The following ABCA2 variants were observed in gnomAD, a reference collection of about 807,000 sequenced individuals.
ABCA2 encodes ATP binding cassette subfamily A member 2, also known as ATP-binding cassette sub-family A member 2.
In ABCA2, 84 loss-of-function variants were observed where a neutral mutation model predicts 262.8. The ratio of observed to expected loss-of-function variants is 0.32; its 90% CI spans 0.27 to 0.38. The LOEUF (loss-of-function observed/expected upper bound fraction) is 0.38, where lower values mean the gene tolerates loss of function less well. Ranked by LOEUF, ABCA2 falls within the 10% of genes least tolerant of loss-of-function variation. The pLI is 1.00. For missense variants in ABCA2, 2,662 were observed against 3,405.9 expected (o/e 0.78, Z 5.44); for synonymous variants, 1,696 against 1,502.9 (o/e 1.13, Z -2.97).
At position 137,010,611 on chromosome 9, in the gene ABCA2, A is replaced by T; in HGVS notation, c.6174+9T>A. On this transcript the variant is annotated intron_variant, in intron 40 of 48. Coordinates refer to ENST00000341511, the MANE Select transcript of ABCA2 (RefSeq NM_001606.5). ...CACCCAGGCCCCACCCTACATGCCCAGAGCCCACCTTGGTCAGGTTCTCAA... is the reference window on the plus strand; with the variant it reads ...CACCCAGGCCCCACCCTACATGCCCTGAGCCCACCTTGGTCAGGTTCTCAA... The T allele has an allele frequency of 2.0e-6, 1 of 495,958 alleles. No individual in the cohort carries two copies. The highest frequency in any genetic ancestry group is 3.7e-6 in the Non-Finnish European group (1 of 266,934). The allele number at this position is 495,958 out of a possible 1,614,324, so 30.7% of individuals were successfully genotyped here.
chr9:137,018,544 C>T (rs978393092), intron 13 of ABCA2, among the ~76,000 whole-genome samples, 175 bp downstream of exon 13: 1 of 73,690 alleles, frequency 1.4e-5, no homozygotes, highest in Non-Finnish European at 2.6e-5. Flanking sequence ...AGGGAGGGGG[C>T]GGGTTGTGGG....
In ABCA2 at chr9:137,019,424, CTTTT is replaced by C. The variant is rs35180161; in HGVS notation, c.1426-122_1426-119del. 6.0e-4 allele frequency: 545 copies of C among 904,300 alleles called. No homozygotes were observed. Among genetic ancestry groups the C allele is most frequent in the East Asian group, 7.4e-4 (24 of 32,594 alleles). The allele number at this position is 904,300 out of a possible 1,614,324, so 56.0% of individuals were successfully genotyped here. On this transcript the variant is annotated intron_variant, in intron 10 of 48. Coordinates refer to ENST00000341511, the MANE Select transcript of ABCA2 (RefSeq NM_001606.5). The surrounding 1 kb of genome is among the most constrained non-coding windows in gnomAD (Gnocchi z 4.4). ...ATTGCCAACAACTAACCCTCCCCAC[CTTTT>C]TTTTTTTTTTTTTCCTGAGACAGGG...
At chr9:137,025,111 C>A (rs1238949595) in intron 1 of ABCA2, among the ~76,000 whole-genome samples, 1 of 152,222 alleles carries the variant, frequency 6.6e-6, no homozygotes, top group South Asian at 2.1e-4. Context: ...TCTCCTGACC[C>A]GGGGCAGCCA....
chr9:137,008,076 G>A, intron 48 of ABCA2, 112 bp from the exon 49 acceptor site: 1 of 1,356,542 alleles, frequency 7.4e-7, no homozygotes, highest in Non-Finnish European at 1.0e-6. Flanking sequence ...CCTGGACGCA[G>A]GGTCTCCCCA....
rs1375372236 is a variant in ABCA2 at position 137,013,613 on chromosome 9, G to A, written c.4448-50C>T. 1.4e-5 allele frequency: 22 copies of A among 1,543,450 alleles called. 1 individual carries two copies. Among genetic ancestry groups the A allele is most frequent in the Middle Eastern group, 1.7e-4 (1 of 5,768 alleles). On this transcript the variant is annotated intron_variant, in intron 28 of 48. Coordinates refer to ENST00000341511, the MANE Select transcript of ABCA2 (RefSeq NM_001606.5). ...GAGCAGGTTCTGCCCTCTGGCCAGCGGCCCCCAAGCCTCGGTCCCCTTCCC... is the reference window on the plus strand; with the variant it reads ...GAGCAGGTTCTGCCCTCTGGCCAGCAGCCCCCAAGCCTCGGTCCCCTTCCC...
Position 137,018,184 on chromosome 9 carries a change from T to C in ABCA2, c.1987A>G (p.Ile663Val). Reference protein sequence around the residue: ...RFYFLYGFVWIQDMMERAIID... With the variant: ...RFYFLYGFVWVQDMMERAIID... ...TTCCGGGCCTGCTCCTCACCCTGGA[T>C]CCAGACGAAGCCGTAGAGGAAGTAG... Residue 663 changes from isoleucine to valine, a missense_variant, in exon 14 of 49, where the codon ATC (isoleucine) becomes GTC (valine). Ile to Val is a conservative substitution (Grantham distance 29). This residue lies in a region of ABCA2 where 188 missense variants were observed against 343.4 expected (regional missense o/e 0.55). Coordinates refer to ENST00000341511, the MANE Select transcript of ABCA2 (RefSeq NM_001606.5). The C allele has an allele frequency of 6.2e-7, 1 of 1,611,172 alleles. No individual in the cohort carries two copies. The highest frequency in any genetic ancestry group is 8.5e-7 in the Non-Finnish European group (1 of 1,179,626).
At chr9:137,018,416 A>G (rs1357823126) in intron 13 of ABCA2, 65 bp from the exon 14 acceptor site, 10 of 515,220 alleles carry the variant, frequency 1.9e-5, no homozygotes, top group African/African-American at 3.8e-5. Flanking sequence ...GTGGGGGGGA[A>G]AGCAAGGCAC....
At position 137,016,078 on chromosome 9, in the gene ABCA2, C is replaced by T. The variant is rs1275661743; in HGVS notation, c.3201G>A (p.Leu1067=). Residue 1067 remains leucine, a synonymous_variant, in exon 22 of 49, where the codon CTG becomes CTA. Transcript: ENST00000341511. ...RTEMDEIRKN[L]GMCPQHNVLF... is the part of the protein sequence containing the mutation. ...GCACATTGTGCTGCGGGCACATGCC[C>T]AGGTTCTTGCGGATCTCATCCATCT... 1.2e-6 allele frequency: 2 copies of T among 1,612,738 alleles called. No homozygotes were observed. Among genetic ancestry groups the T allele is most frequent in the Admixed American group, 1.7e-5 (1 of 60,010 alleles).
chr9:137,016,393 T>G lies in ABCA2; in HGVS notation c.3002A>C (p.Lys1001Thr), dbSNP rs949480298. ...VCVDKLTKVY[K>T]DDKKLALNKL... ...GTTCAGGGCCAGCTTCTTGTCGTCC[T>G]TGTAGACCTTGGTGAGTTTGTCCAC... The change falls in exon 21 of 49, where the codon AAG becomes ACG. Residue 1001 changes from lysine to threonine, a missense_variant. By Grantham distance (78) the Lys-to-Thr change is moderately conservative. Coordinates refer to ENST00000341511, the MANE Select transcript of ABCA2 (RefSeq NM_001606.5). The G allele has an allele frequency of 5.0e-6, 8 of 1,612,780 alleles. No individual in the cohort carries two copies. The highest frequency in any genetic ancestry group is 6.8e-6 in the Non-Finnish European group (8 of 1,179,992).
chr9:137,019,334 GT>G lies in ABCA2; in HGVS notation c.1426-29del. 3 of 1,608,464 alleles carry G rather than the reference GT, an allele frequency of 1.9e-6. No homozygotes were observed. Among genetic ancestry groups the G allele is most frequent in the Non-Finnish European group, 2.5e-6 (3 of 1,177,152 alleles). On this transcript the variant is annotated intron_variant, in intron 10 of 48. Coordinates refer to ENST00000341511, the MANE Select transcript of ABCA2 (RefSeq NM_001606.5). This position sits in a 1 kb window ranked among gnomAD's most constrained non-coding sequence, Gnocchi z 4.4. Reference sequence around the variant, plus strand: ...GCAGGGGGTGAGGCAGGGGCATGGAGTTTCTGGACGGACCCCCACCGACTTG... The same window carrying G: ...GCAGGGGGTGAGGCAGGGGCATGGAGTTCTGGACGGACCCCCACCGACTTG...
Position 137,013,985 on chromosome 9 carries a change from C to T in ABCA2, c.4294G>A (p.Gly1432Ser), listed in dbSNP as rs780276475. 20 of 1,612,108 alleles carry T rather than the reference C, an allele frequency of 1.2e-5. No homozygotes were observed. Among genetic ancestry groups the T allele is most frequent in the Middle Eastern group, 1.6e-4 (1 of 6,082 alleles). Residue 1432 changes from glycine to serine, a missense_variant, in exon 28 of 49, where the codon GGC (glycine) becomes AGC (serine). Around this residue, in one of 12 missense-constraint regions of ABCA2, gnomAD observed 75 missense variants for 118.3 expected, o/e 0.63. Coordinates refer to ENST00000341511, the MANE Select transcript of ABCA2 (RefSeq NM_001606.5). ...AACTGGCGCACCTTCAGCCACCCGC[C>T]GTCCAGCTTGCGGCTGCCCTGGCCG... is the stretch of plus-strand genomic sequence containing the variant. ...RVGQGSRKLD[G>S]GWLKVRQFHG...
At position 137,011,354 on chromosome 9, in the gene ABCA2, G is replaced by C. The variant is rs1395237142; in HGVS notation, c.5800-45C>G. On this transcript the variant is annotated intron_variant, in intron 37 of 48. Coordinates refer to ENST00000341511, the MANE Select transcript of ABCA2 (RefSeq NM_001606.5). The surrounding 1 kb of genome is among the most constrained non-coding windows in gnomAD (Gnocchi z 8.8). ...AGGGGCACAGGGGTGGCCGGGGTGA[G>C]GGGCACAGCCTCCGCAGGGTCCGCC... The C allele has an allele frequency of 2.5e-6, 4 of 1,605,066 alleles. No homozygotes were observed. The highest frequency in any genetic ancestry group is 3.4e-6 in the Non-Finnish European group (4 of 1,175,212).
chr9:137,024,618 C>T (rs1020507784), intron 1 of ABCA2, among the ~76,000 whole-genome samples: 2 of 152,194 alleles, frequency 1.3e-5, no homozygotes, highest in Non-Finnish European at 1.5e-5. Flanking sequence ...AGCCACTAGC[C>T]CCGCCTACAC....
At chr9:137,008,019 G>T (rs1040011147) in intron 48 of ABCA2, 55 bp from the exon 49 acceptor site, 138 of 1,579,966 alleles carry the variant, frequency 8.7e-5, no homozygotes, top group Non-Finnish European at 1.1e-4. Flanking sequence ...CCCTGCTGGG[G>T]CTGAGGACAC....
At chr9:137,023,084 G>A (rs756410673) in intron 3 of ABCA2, 32 bp from the exon 4 acceptor site, 2 of 1,502,854 alleles carry the variant, frequency 1.3e-6, no homozygotes, top group African/African-American at 1.4e-5. Context: ...GCAGGGTCGG[G>A]GGTGAAAGGG....
chr9:137,016,021 G>C lies in ABCA2; in HGVS notation c.3258C>G (p.Leu1086=). Residue 1086 remains leucine (L), a synonymous_variant, in exon 22 of 49, where the codon CTC becomes CTG. Coordinates refer to ENST00000341511, the MANE Select transcript of ABCA2 (RefSeq NM_001606.5). The stretch of plus-strand genomic sequence containing the variant: ...TGCTCTTGAGCCGTGAGTAGAACCA[G>C]AGGTGTTCCTCCACCGTGAGCCGGT... The part of the protein sequence containing the change: ...LFDRLTVEEH[L]WFYSRLKSMA... The C allele has an allele frequency of 6.2e-7, 1 of 1,608,930 alleles. No homozygotes were observed. The highest frequency in any genetic ancestry group is 1.1e-5 in the South Asian group (1 of 91,012).
In ABCA2 at chr9:137,022,370, G is replaced by A. The variant is rs2131466952; in HGVS notation, c.548C>T (p.Ala183Val). 6.2e-7 allele frequency: 1 copy of A among 1,609,376 alleles called. No individual in the cohort carries two copies. Among genetic ancestry groups the A allele is most frequent in the African/African-American group, 1.3e-5 (1 of 74,968 alleles). The change falls in exon 6 of 49, where the codon GCC (alanine) becomes GTC (valine). Residue 183 changes from alanine to valine, a missense_variant. By Grantham distance (64) the Ala-to-Val change is moderately conservative. Around this residue, in one of 12 missense-constraint regions of ABCA2, gnomAD observed 403 missense variants for 375.9 expected, o/e 1.07. Coordinates refer to ENST00000341511, the MANE Select transcript of ABCA2 (RefSeq NM_001606.5). ...CCTTACCTCGGGCGGGTCCACACGG[G>A]CGGCCAAGAGTGCTTGGGCCGTGCT... Reference protein sequence around the residue: ...PNSTAQALLAARVDPPEVYHL... With the variant: ...PNSTAQALLAVRVDPPEVYHL...
intron 2 of ABCA2, 68 bp from the exon 3 acceptor site, chr9:137,023,908 C>A: frequency 9.2e-7 from 1 of 1,088,968 alleles, no homozygotes. Flanking sequence ...CAGAGGAGAC[C>A]AGTGAGTGCC....
At chr9:137,024,012 C>A in intron 2 of ABCA2, 131 bp downstream of exon 2, 1 of 1,520,434 alleles carries the variant, frequency 6.6e-7, no homozygotes, top group Non-Finnish European at 8.8e-7. Flanking sequence ...CCCAGGACCA[C>A]ACAGGGGAGC....
Sources: allele counts gnomAD v4.1 joint callset (sites outside exome capture counted in the v4.1 genomes callset), GRCh38; gene constraint gnomAD v4.1.1; regional missense constraint gnomAD v4.1.1; non-coding constraint Gnocchi (gnomAD v3.1); transcripts MANE v1.5; gene names NCBI Gene and HGNC (gene_info 2026-07-23, HGNC 2026-07-21).